The following RAB38 variants were observed in gnomAD, a reference collection of about 807,000 sequenced individuals.
The protein encoded by RAB38 is ras-related protein Rab-38.
A neutral mutation model predicts 18.4 loss-of-function variants in RAB38; 15 were observed. The ratio of observed to expected loss-of-function variants is 0.82; its 90% CI spans 0.55 to 1.26. The LOEUF (loss-of-function observed/expected upper bound fraction) is 1.26. Among genes scored for constraint, RAB38 ranks in the 50% most tolerant of loss-of-function variants. The pLI, the probability that RAB38 is intolerant of heterozygous loss-of-function variation, is 0.00. For missense variants in RAB38, 294 were observed against 267.4 expected, an observed-to-expected ratio of 1.10 and a Z score of -0.69; for synonymous variants, 101 against 104.4, an observed-to-expected ratio of 0.97 and a Z score of 0.20.
At chr11:88,078,501 A>ATGTGTGTGTGTGTG in the RAB38 span, among the ~76,000 whole-genome samples, 20 of 148,792 alleles carry the variant, frequency 1.3e-4, no homozygotes, top group Middle Eastern at 3.4e-3. Flanking sequence ...GTGTGTATAT[A>ATGTGTGTGTGTGTG]TGTGTGTGTG....
At chr11:87,862,987 T>C in the RAB38 span, among the ~76,000 whole-genome samples, 10 of 152,052 alleles carry the variant, frequency 6.6e-5, no homozygotes, top group Non-Finnish European at 1.3e-4. Context: ...GCAGTCCATC[T>C]GCACTAATCA....
At chr11:87,850,793 C>T in the RAB38 span, among the ~76,000 whole-genome samples, 1 of 151,854 alleles carries the variant, frequency 6.6e-6, no homozygotes, top group African/African-American at 2.4e-5. Context: ...GTCTGAGACC[C>T]ATCAAAGTGT....
At chr11:88,030,173 G>A in the RAB38 span, among the ~76,000 whole-genome samples, 2 of 152,136 alleles carry the variant, frequency 1.3e-5, no homozygotes, top group Non-Finnish European at 2.9e-5. Context: ...GATGTTCTTT[G>A]AAACCAATGA....
chr11:87,941,212 G>GATATAATATAT, the RAB38 span, among the ~76,000 whole-genome samples: 2 of 37,780 alleles, frequency 5.3e-5, no homozygotes, highest in African/African-American at 2.6e-4. Context: ...ATAAATATAT[G>GATATAATATAT]AGATATATAT....
the RAB38 span, among the ~76,000 whole-genome samples, chr11:87,917,248 A>C: frequency 6.6e-6 from 1 of 152,072 alleles, no homozygotes; most frequent in Non-Finnish European, 1.5e-5. Context: ...GGGGGTCACC[A>C]AGGTGAGTCA....
chr11:88,022,318 CAA>C, the RAB38 span, among the ~76,000 whole-genome samples: 7 of 144,036 alleles, frequency 4.9e-5, no homozygotes, highest in East Asian at 1.4e-3. Context: ...AAAAAACCCT[CAA>C]AAAAAAAAGA....
chr11:87,934,771 A>G, the RAB38 span, among the ~76,000 whole-genome samples: 1 of 152,142 alleles, frequency 6.6e-6, no homozygotes, highest in African/African-American at 2.4e-5. Context: ...GGTATTTAAC[A>G]GAAAAAAATA....
At chr11:88,136,285 C>T (rs774022560) in intron 2 of RAB38, among the ~76,000 whole-genome samples, 4 of 152,052 alleles carry the variant, frequency 2.6e-5, no homozygotes, top group Non-Finnish European at 4.4e-5. Context: ...ATCAATACCT[C>T]GGTAGCAGTG....
the RAB38 span, among the ~76,000 whole-genome samples, chr11:87,931,704 A>G: frequency 1.1e-3 from 169 of 152,254 alleles, 3 homozygotes; most frequent in South Asian, 0.034. Context: ...CAGAGAGAAT[A>G]TATGTGTTAA....
At chr11:87,863,839 A>G in the RAB38 span, among the ~76,000 whole-genome samples, 3 of 151,762 alleles carry the variant, frequency 2.0e-5, no homozygotes, top group Admixed American at 6.6e-5. Context: ...AGAATTTACT[A>G]AAAATGTCTA....
the RAB38 span, among the ~76,000 whole-genome samples, chr11:88,048,244 C>T: frequency 6.6e-6 from 1 of 152,132 alleles, no homozygotes; most frequent in East Asian, 1.9e-4. Flanking sequence ...AGGCCTTTCC[C>T]ACAGGGTCTG....
rs34761346 is a variant in RAB38 at position 88,120,707 on chromosome 11, C to G, written c.484-6567G>C. 3.0e-3 allele frequency among the ~76,000 whole-genome samples: 451 copies of G among 152,254 alleles called. 1 individual carries two copies. The highest frequency in any genetic ancestry group is 0.011 in the East Asian group (55 of 5,180). ...CATCCCCACCATGGCCTTACCTCAG[C>G]CTCTGTCCTTTATTCTTTAGATGTC... On this transcript the variant is annotated intron_variant, in intron 2 of 2. Coordinates refer to ENST00000243662, the MANE Select transcript of RAB38 (RefSeq NM_022337.3).
At chr11:87,942,963 G>A in the RAB38 span, among the ~76,000 whole-genome samples, 1 of 152,132 alleles carries the variant, frequency 6.6e-6, no homozygotes, top group Admixed American at 6.6e-5. Context: ...TTAATGCAGG[G>A]AACCTGGGAA....
chr11:88,084,705 T>C, the RAB38 span, among the ~76,000 whole-genome samples: 1 of 151,890 alleles, frequency 6.6e-6, no homozygotes, highest in Non-Finnish European at 1.5e-5. Context: ...GCTTCTTTCC[T>C]TCTTTGATAG....
the RAB38 span, among the ~76,000 whole-genome samples, chr11:88,006,172 A>T: frequency 1.3e-5 from 2 of 151,736 alleles, no homozygotes; most frequent in Non-Finnish European, 3.0e-5. Flanking sequence ...GAAATAAAAA[A>T]AAAAATGCTT....
the RAB38 span, among the ~76,000 whole-genome samples, chr11:87,943,698 G>T: frequency 2.0e-5 from 3 of 152,100 alleles, no homozygotes; most frequent in Non-Finnish European, 4.4e-5. Context: ...ATTTAGAGAG[G>T]TCTTAAAGAT....
the RAB38 span, among the ~76,000 whole-genome samples, chr11:87,921,531 T>C: frequency 6.7e-6 from 1 of 149,370 alleles, no homozygotes; most frequent in Admixed American, 6.7e-5. Context: ...AATAATTTCA[T>C]TGTAAATCTC....
the RAB38 span, among the ~76,000 whole-genome samples, chr11:87,893,204 A>G: frequency 4.6e-5 from 7 of 151,034 alleles, no homozygotes; most frequent in African/African-American, 1.7e-4. Context: ...ATAAGGCAGG[A>G]AATATCACAC....
At chr11:87,834,542 G>A in the RAB38 span, among the ~76,000 whole-genome samples, 1 of 152,162 alleles carries the variant, frequency 6.6e-6, no homozygotes, top group Non-Finnish European at 1.5e-5. Flanking sequence ...ATGAAGAAAT[G>A]GGGAGTGCTA....
Sources: gnomAD v4.1 joint callset for allele counts (sites outside exome capture counted in the v4.1 genomes callset) on GRCh38, gnomAD v4.1.1 for gene constraint, MANE v1.5 for transcripts, NCBI Gene and HGNC (gene_info 2026-07-23, HGNC 2026-07-21) for gene names.